Variants in CLVS1 observed in about 807,000 individuals in gnomAD.
CLVS1 encodes the protein clavesin 1, also known as clavesin-1.
A neutral mutation model predicts 33.1 loss-of-function variants in CLVS1; 10 were observed. The observed-to-expected ratio is 0.30, with a 90% confidence interval of 0.19 to 0.51. The LOEUF (loss-of-function observed/expected upper bound fraction) is 0.51. Ranked by LOEUF, CLVS1 falls within the 20% of genes least tolerant of loss-of-function variation. The probability of loss-of-function intolerance (pLI) is 0.97; values close to 1 mark genes in which losing one functional copy is unlikely to be tolerated. For synonymous variants in CLVS1, 163 were observed against 166.1 expected, an observed-to-expected ratio of 0.98 and a Z score of 0.14; for missense variants, 343 against 433.4, an observed-to-expected ratio of 0.79 and a Z score of 1.85.
chr8:61,396,104 C>G (rs915767588), intron 3 of CLVS1, among the ~76,000 whole-genome samples: 2 of 152,096 alleles, frequency 1.3e-5, no homozygotes, highest in African/African-American at 4.8e-5. Context: ...TATTTTAAAA[C>G]GTTCCATCCT....
At position 61,063,490 on chromosome 8, in the gene CLVS1, G is replaced by A. The variant is rs541483335; in HGVS notation, c.-243+6260G>A. ...GCAGAGACATCTAGAAGCGACACAG[G>A]ACAGGAACATTGCAAGCTGTTTGGC... On this transcript the variant is annotated intron_variant, in intron 1 of 2. Coordinates refer to the CLVS1 transcript ENST00000522621. Among the ~76,000 whole-genome samples, 3 of 152,254 alleles carry A rather than the reference G, an allele frequency of 2.0e-5. No homozygotes were observed. The East Asian group carries it at 5.8e-4, about 29-fold the overall frequency.
intron 2 of CLVS1, among the ~76,000 whole-genome samples, chr8:61,246,370 A>G (rs1808810516): frequency 6.6e-6 from 1 of 150,946 alleles, no homozygotes; most frequent in Middle Eastern, 3.2e-3. Context: ...GGGTTGCACC[A>G]TGTTGGTCAG....
At chr8:61,068,217 ATG>A (rs1491006908) in intron 1 of CLVS1, among the ~76,000 whole-genome samples, 3,790 of 96,838 alleles carry the variant, frequency 0.039, 171 homozygotes, top group African/African-American at 0.16. Flanking sequence ...ATATATATAT[ATG>A]TATGTATGTG....
the CLVS1 span, among the ~76,000 whole-genome samples, chr8:61,011,440 C>CTTTA: frequency 0.014 from 2,178 of 151,978 alleles, 31 homozygotes; most frequent in Non-Finnish European, 0.021. Flanking sequence ...TGCATCATGT[C>CTTTA]TTTATTTATT....
chr8:61,049,057 A>G, the CLVS1 span, among the ~76,000 whole-genome samples: 2 of 152,208 alleles, frequency 1.3e-5, no homozygotes, highest in Non-Finnish European at 2.9e-5. Context: ...TTATTCAGGG[A>G]CACCTCTTAC....
intron 1 of CLVS1, among the ~76,000 whole-genome samples, chr8:61,064,945 C>T (rs1271346472): frequency 2.6e-5 from 4 of 152,206 alleles, no homozygotes; most frequent in Non-Finnish European, 4.4e-5. Flanking sequence ...TCAGGTGATC[C>T]GCACGCCTTG....
intron 2 of CLVS1, among the ~76,000 whole-genome samples, chr8:61,310,184 T>C (rs1260156574): frequency 6.6e-6 from 1 of 152,156 alleles, no homozygotes; most frequent in African/African-American, 2.4e-5. Flanking sequence ...ATCTTTCTGG[T>C]GATGATCAAT....
intron 2 of CLVS1, among the ~76,000 whole-genome samples, chr8:61,195,437 T>C (rs1159543194): frequency 6.6e-6 from 1 of 152,024 alleles, no homozygotes; most frequent in Admixed American, 6.6e-5. Flanking sequence ...ACTTAATATA[T>C]TGTAGTGAGT....
rs531816912 is a variant in CLVS1 at position 61,298,469 on chromosome 8, A to G, written c.-151-1208A>G. 6.6e-5 allele frequency among the ~76,000 whole-genome samples: 10 copies of G among 152,312 alleles called. 1 individual carries two copies. The highest frequency in any genetic ancestry group is 4.1e-4 in the South Asian group (2 of 4,826). On this transcript the variant is annotated intron_variant, in intron 1 of 5. Coordinates refer to ENST00000325897, the MANE Select transcript of CLVS1 (RefSeq NM_173519.3). The stretch of plus-strand genomic sequence containing the variant: ...TTTTTTATCTCCTCCGTATCCAAAG[A>G]CATATAAAGTAGAAATATGTGAGAT...
intron 2 of CLVS1, among the ~76,000 whole-genome samples, chr8:61,215,086 G>T (rs1383210693): frequency 6.6e-6 from 1 of 152,122 alleles, no homozygotes; most frequent in Non-Finnish European, 1.5e-5. Context: ...TTGTACAGCA[G>T]ATAGCCCCAT....
intron 2 of CLVS1, among the ~76,000 whole-genome samples, chr8:61,152,433 A>G (rs1806557666): frequency 6.6e-6 from 1 of 152,192 alleles, no homozygotes; most frequent in Admixed American, 6.5e-5. Flanking sequence ...TTTATTTCTC[A>G]TAGTTCTGGA....
the CLVS1 span, among the ~76,000 whole-genome samples, chr8:61,013,009 C>G: frequency 1.3e-5 from 2 of 152,176 alleles, no homozygotes; most frequent in Non-Finnish European, 2.9e-5. Flanking sequence ...GCCTTATTAT[C>G]CCTTGCCGTC....
chr8:61,033,608 C>T, the CLVS1 span, among the ~76,000 whole-genome samples: 627 of 152,332 alleles, frequency 4.1e-3, 3 homozygotes, highest in African/African-American at 0.014. Context: ...ACTTGTGCCA[C>T]TCCCGGGGAA....
At chr8:61,291,063 A>G (rs1304616391) in intron 1 of CLVS1, among the ~76,000 whole-genome samples, 3 of 152,198 alleles carry the variant, frequency 2.0e-5, no homozygotes, top group Non-Finnish European at 2.9e-5. Flanking sequence ...TTATGGATTG[A>G]AAATGAACTG....
chr8:60,988,865 A>C, the CLVS1 span, among the ~76,000 whole-genome samples: 360 of 152,300 alleles, frequency 2.4e-3, 2 homozygotes, highest in African/African-American at 8.3e-3. Context: ...TGTCTTATAG[A>C]GGTTCAGATT....
intron 2 of CLVS1, among the ~76,000 whole-genome samples, chr8:61,137,206 G>A (rs1307020230): frequency 6.6e-6 from 1 of 152,164 alleles, no homozygotes; most frequent in Non-Finnish European, 1.5e-5. Context: ...AGATGGAGGG[G>A]GAAATGACCT....
intron 2 of CLVS1, among the ~76,000 whole-genome samples, chr8:61,262,398 C>T (rs1325913695): frequency 6.6e-6 from 1 of 152,028 alleles, no homozygotes; most frequent in Non-Finnish European, 1.5e-5. Flanking sequence ...TATAGTCCTT[C>T]CAGGCACAGT....
At chr8:61,421,407 G>A (rs549947849) in intron 3 of CLVS1, among the ~76,000 whole-genome samples, 1 of 152,318 alleles carries the variant, frequency 6.6e-6, no homozygotes, top group Non-Finnish European at 1.5e-5. Context: ...TCCTCTCAGA[G>A]GGTGGTACAT....
chr8:61,032,984 GGAAGGAAGGAAAGAAAGAAA>G, the CLVS1 span, among the ~76,000 whole-genome samples: 29 of 78,012 alleles, frequency 3.7e-4, no homozygotes, highest in African/African-American at 9.6e-4. Context: ...AAGGAAGGAA[GGAAGGAAGGAAAGAAAGAAA>G]GAAAGAAAGA....
Sources: gnomAD v4.1 joint callset for allele counts (sites outside exome capture counted in the v4.1 genomes callset) on GRCh38, gnomAD v4.1.1 for gene constraint, MANE v1.5 for transcripts, NCBI Gene and HGNC (gene_info 2026-07-23, HGNC 2026-07-21) for gene names.